PELI2: variants seen among roughly 807,000 people sequenced by gnomAD.
The protein encoded by PELI2 is pellino E3 ubiquitin protein ligase family member 2.
PELI2 carries 23 observed loss-of-function variants against 42.3 expected under a neutral mutation model. The ratio of observed to expected loss-of-function variants is 0.54; its 90% CI spans 0.39 to 0.77. The LOEUF (loss-of-function observed/expected upper bound fraction) is 0.77. PELI2 is among the 30% of genes least tolerant of loss of function. PELI2 has a pLI of 0.00. For missense variants in PELI2, 463 were observed against 553.2 expected, an observed-to-expected ratio of 0.84 and a Z score of 1.64; for synonymous variants, 245 against 212.2, an observed-to-expected ratio of 1.15 and a Z score of -1.34.
chr14:56,270,274 C>T (rs1387819665), intron 2 of PELI2, among the ~76,000 whole-genome samples: 2 of 152,168 alleles, frequency 1.3e-5, no homozygotes, highest in Non-Finnish European at 2.9e-5. Context: ...ACTTTCTTAT[C>T]GTGGCCATGG....
chr14:56,294,085 G>C (rs990733095), intron 5 of PELI2, among the ~76,000 whole-genome samples: 1 of 152,200 alleles, frequency 6.6e-6, no homozygotes, highest in Non-Finnish European at 1.5e-5. Flanking sequence ...ACTTCAGGCT[G>C]TCTGAAAGGA....
chr14:56,185,034 A>G (rs1885719718), intron 2 of PELI2, among the ~76,000 whole-genome samples: 1 of 151,668 alleles, frequency 6.6e-6, no homozygotes. Context: ...GGAATATTTT[A>G]CAATTTTTTA....
rs990122326 is a variant in PELI2, at chr14:56,300,373, A to G, written c.*3207A>G. On this transcript the variant is annotated 3_prime_UTR_variant, in exon 6 of 6. Transcript: ENST00000267460. Reference sequence around the variant, plus strand: ...TTTATTTTCCAGTACCAATAGGGAAATTATTTTAAGTTATTACATTTACTG... The same window carrying G: ...TTTATTTTCCAGTACCAATAGGGAAGTTATTTTAAGTTATTACATTTACTG... 6.6e-6 allele frequency: 1 copy of G among 152,608 alleles called. No homozygotes were observed. The highest frequency in any genetic ancestry group is 1.5e-5 in the Non-Finnish European group (1 of 68,036). The allele number at this position is 152,608 out of a possible 1,614,324, so 9.5% of individuals were successfully genotyped here. A position where few individuals can be genotyped will look rare whatever the true frequency, so the allele number is the denominator to read the frequency against.
chr14:56,176,852 T>C (rs979587698), intron 1 of PELI2, among the ~76,000 whole-genome samples: 3 of 152,226 alleles, frequency 2.0e-5, no homozygotes, highest in Non-Finnish European at 4.4e-5. Context: ...CTAAGTTGTT[T>C]ACAATCCTGG....
intron 2 of PELI2, among the ~76,000 whole-genome samples, chr14:56,230,343 C>T (rs955631341): frequency 5.9e-5 from 9 of 152,084 alleles, no homozygotes; most frequent in African/African-American, 1.9e-4. Context: ...TTAAGGGCAG[C>T]CAGAGAGAAA....
intron 2 of PELI2, among the ~76,000 whole-genome samples, chr14:56,261,419 A>G (rs1018497184): frequency 9.2e-5 from 14 of 152,156 alleles, no homozygotes; most frequent in Non-Finnish European, 2.1e-4. Context: ...TTCTTTTCTA[A>G]TGATGGAAAC....
intron 4 of PELI2, among the ~76,000 whole-genome samples, chr14:56,289,993 A>G (rs1889774643): frequency 6.6e-6 from 1 of 152,204 alleles, no homozygotes; most frequent in Non-Finnish European, 1.5e-5. Context: ...GGTAAAAAGA[A>G]TCTTAGAGGG....
At position 56,296,909 on chromosome 14, in the gene PELI2, C is replaced by A; in HGVS notation, c.1006C>A (p.Pro336Thr). The change falls in exon 6 of 6, where the codon CCC (proline) becomes ACC (threonine). Residue 336 changes from proline to threonine, a missense_variant. Physicochemically the swap from Pro to Thr is conservative, Grantham distance 38 (BLOSUM62 -1). Around this residue, in one of 3 missense-constraint regions of PELI2, gnomAD observed 103 missense variants for 129.6 expected, o/e 0.80. Transcript: ENST00000267460. ...CACGGAGGCCAACGAGAGGGAGTGT[C>A]CCATGTGCAGGACTGTGGGCCCCTA... ...SDTEANEREC[P>T]MCRTVGPYVP... 6.2e-7 allele frequency: 1 copy of A among 1,614,122 alleles called. No homozygotes were observed. Among genetic ancestry groups the A allele is most frequent in the South Asian group, 1.1e-5 (1 of 91,078 alleles).
At chr14:56,120,263 T>G (rs1883013529) in intron 1 of PELI2, among the ~76,000 whole-genome samples, 1 of 152,216 alleles carries the variant, frequency 6.6e-6, no homozygotes, top group African/African-American at 2.4e-5. Flanking sequence ...TGGTTTTGTT[T>G]GTGTGGCTGG....
chr14:56,236,249 G>A (rs1317290207), intron 2 of PELI2, among the ~76,000 whole-genome samples: 1 of 152,130 alleles, frequency 6.6e-6, no homozygotes, highest in Non-Finnish European at 1.5e-5. Flanking sequence ...TGTATATACT[G>A]GTACCCACAT....
intron 2 of PELI2, among the ~76,000 whole-genome samples, chr14:56,262,649 C>T (rs773707309): frequency 6.6e-6 from 1 of 152,002 alleles, no homozygotes; most frequent in African/African-American, 2.4e-5. Context: ...CCTCTTTGGC[C>T]GATTTGTAAG....
intron 2 of PELI2, among the ~76,000 whole-genome samples, chr14:56,228,557 A>G (rs536902767): frequency 1.5e-4 from 23 of 152,378 alleles, no homozygotes; most frequent in African/African-American, 5.5e-4. Flanking sequence ...ACGATTATAA[A>G]CTTAACATTT....
chr14:56,233,643 A>C (rs1887672376), intron 2 of PELI2, among the ~76,000 whole-genome samples: 1 of 152,236 alleles, frequency 6.6e-6, no homozygotes, highest in Non-Finnish European at 1.5e-5. Flanking sequence ...ACCTAAAACC[A>C]TAAAAACCCT....
intron 2 of PELI2, among the ~76,000 whole-genome samples, chr14:56,209,052 T>C (rs1359263625): frequency 6.6e-6 from 1 of 152,242 alleles, no homozygotes; most frequent in Non-Finnish European, 1.5e-5. Context: ...TGTGATATTT[T>C]GATAAGTATA....
At position 56,272,247 on chromosome 14, in the gene PELI2, T is replaced by A. The variant is rs191324514; in HGVS notation, c.208-7429T>A. On this transcript the variant is annotated intron_variant, in intron 2 of 5. Coordinates refer to ENST00000267460, the MANE Select transcript of PELI2 (RefSeq NM_021255.3). ...ACAAGAGGGATATTAAACTCCTGAG[T>A]CATTTGGTACTAAGAAAGACTTCAT... is the stretch of plus-strand genomic sequence containing the variant. Among the ~76,000 whole-genome samples the A allele has an allele frequency of 3.3e-5, 5 of 152,284 alleles. No homozygotes were observed. The East Asian group carries it at 9.6e-4, about 29-fold the overall frequency.
At chr14:56,153,218 A>T (rs1175467827) in intron 1 of PELI2, among the ~76,000 whole-genome samples, 1 of 152,228 alleles carries the variant, frequency 6.6e-6, no homozygotes, top group East Asian at 1.9e-4. Flanking sequence ...AACTCATTTG[A>T]AGATGAACTT....
chr14:56,141,847 G>A (rs191867777), intron 1 of PELI2, among the ~76,000 whole-genome samples: 143 of 152,294 alleles, frequency 9.4e-4, no homozygotes, highest in Non-Finnish European at 1.8e-4. Context: ...GAGCCAAACC[G>A]TATCAGACCC....
At chr14:56,179,390 A>C (rs977248634) in intron 2 of PELI2, among the ~76,000 whole-genome samples, 1 of 152,238 alleles carries the variant, frequency 6.6e-6, no homozygotes, top group African/African-American at 2.4e-5. Flanking sequence ...ATTTATATGC[A>C]ATGTAAACAT....
intron 5 of PELI2, among the ~76,000 whole-genome samples, chr14:56,294,647 C>T (rs1320073391): frequency 6.6e-6 from 1 of 152,216 alleles, no homozygotes; most frequent in Non-Finnish European, 1.5e-5. Flanking sequence ...TGGGACCCTG[C>T]CTGGGCAGTG....
Sources: gnomAD v4.1 joint callset for allele counts (sites outside exome capture counted in the v4.1 genomes callset) on GRCh38, gnomAD v4.1.1 for gene constraint, gnomAD v4.1.1 regional missense constraint, MANE v1.5 for transcripts, NCBI Gene and HGNC (gene_info 2026-07-23, HGNC 2026-07-21) for gene names.